The following PCNT variants were observed in gnomAD, a reference collection of about 807,000 sequenced individuals.
The protein encoded by PCNT is kendrin.
Under a neutral mutation model 380.4 loss-of-function variants are expected in PCNT, and 319 were observed. That is an observed-to-expected ratio of 0.84 (90% CI 0.77 to 0.92). PCNT has a LOEUF of 0.92. PCNT is among the 40% of genes least tolerant of loss of function. The probability of loss-of-function intolerance (pLI) is 0.00; values close to 1 mark genes in which losing one functional copy is unlikely to be tolerated. For synonymous variants in PCNT, 1,845 were observed against 1,735.2 expected (o/e 1.06, Z -1.57); for missense variants, 4,400 against 4,255.3 (o/e 1.03, Z -0.95).
intron 15 of PCNT, among the ~76,000 whole-genome samples, chr21:46,374,812 G>A (rs957889728): frequency 2.9e-5 from 4 of 136,972 alleles, no homozygotes; most frequent in African/African-American, 1.1e-4. Flanking sequence ...TCGTGCCGTT[G>A]CACTCCAGCC....
At chr21:46,386,091 T>C (rs1180840611) in intron 17 of PCNT, 108 bp downstream of exon 17, 1 of 1,313,742 alleles carries the variant, frequency 7.6e-7, no homozygotes, top group Non-Finnish European at 1.1e-6. Flanking sequence ...GCTGCCACCA[T>C]GCACGCTGGC....
chr21:46,374,339 C>T (rs186340361), intron 15 of PCNT, among the ~76,000 whole-genome samples: 78 of 152,234 alleles, frequency 5.1e-4, no homozygotes, highest in South Asian at 1.5e-3. Context: ...ACATCCACAG[C>T]GATCCCTGCA....
chr21:46,417,222 C>T (rs535210389), intron 30 of PCNT, among the ~76,000 whole-genome samples: 5 of 110,776 alleles, frequency 4.5e-5, no homozygotes, highest in South Asian at 6.4e-4. Flanking sequence ...GAGATGGAGT[C>T]TCGCTCTGTC....
intron 7 of PCNT, 65 bp downstream of exon 7, chr21:46,349,251 T>A (rs1569181075): frequency 7.9e-7 from 1 of 1,264,274 alleles, no homozygotes; most frequent in Non-Finnish European, 1.2e-6. Flanking sequence ...CTGGAAGGAA[T>A]GTCGTTCATG....
At chr21:46,433,211 A>C (rs946949426) in intron 38 of PCNT, among the ~76,000 whole-genome samples, 8 of 152,114 alleles carry the variant, frequency 5.3e-5, no homozygotes, top group Non-Finnish European at 8.8e-5. Flanking sequence ...GCGAAAGCCC[A>C]TTTCTACTAA....
intron 38 of PCNT, 35 bp downstream of exon 38, chr21:46,432,250 A>G: frequency 6.4e-7 from 1 of 1,567,878 alleles, no homozygotes; most frequent in Non-Finnish European, 8.7e-7. Context: ...GTCCACACCT[A>G]AAAACGATAA....
Position 46,416,818 on chromosome 21 carries a change from C to G in PCNT, c.6900C>G (p.His2300Gln). The G allele has an allele frequency of 6.3e-7, 1 of 1,598,448 alleles. No individual in the cohort carries two copies. Among genetic ancestry groups the G allele is most frequent in the Non-Finnish European group, 8.5e-7 (1 of 1,179,652 alleles). ...QWAESPPADD[H>Q]HVQRTAVEKD... Reference sequence around the variant, plus strand: ...CCGAGTCTCCGCCGGCTGACGACCACCATGTGCAGAGGACGGCTGTGGTAG... The same window carrying G: ...CCGAGTCTCCGCCGGCTGACGACCAGCATGTGCAGAGGACGGCTGTGGTAG... Residue 2300 changes from histidine (H) to glutamine (Q), a missense_variant, in exon 30 of 47, where the codon CAC becomes CAG. His to Gln is a conservative substitution (Grantham distance 24, BLOSUM62 0). Transcript: ENST00000359568.
chr21:46,346,213 C>T lies in PCNT; in HGVS notation c.720+5C>T. 1 of 1,613,168 alleles carries T rather than the reference C, an allele frequency of 6.2e-7. No individual in the cohort carries two copies. Among genetic ancestry groups the T allele is most frequent in the Non-Finnish European group, 8.5e-7 (1 of 1,179,286 alleles). On this transcript the variant is annotated splice_donor_5th_base_variant and intron_variant, in intron 4 of 46. Transcript: ENST00000359568. ...GCTGGCCTGCATCAGAGTCAGGTGA[C>T]CCGGCGGGGCCTGCACAGGCTCACA...
intron 2 of PCNT, among the ~76,000 whole-genome samples, chr21:46,332,791 A>T (rs2083599892): frequency 6.6e-6 from 1 of 152,206 alleles, no homozygotes; most frequent in Admixed American, 6.5e-5. Context: ...AAGAAATTGA[A>T]ATGTTCTTAG....
intron 39 of PCNT, among the ~76,000 whole-genome samples, chr21:46,436,584 T>C (rs920118304): frequency 6.6e-6 from 1 of 151,600 alleles, no homozygotes; most frequent in African/African-American, 2.4e-5. Flanking sequence ...ATGTTTGTCT[T>C]TTTCCCTATA....
chr21:46,431,949 C>G lies in PCNT; in HGVS notation c.8485C>G (p.His2829Asp). Residue 2829 changes from histidine to aspartate, a missense_variant, in exon 38 of 47, where the codon CAC becomes GAC. His to Asp is a moderately conservative substitution (Grantham distance 81). Transcript: ENST00000359568. ...QQQLEAEAQK[H>D]CEALRREKEV... ...GCAGCTTGAGGCTGAGGCTCAGAAGCACTGTGAGGCGCTCAGGAGAGAGAA... is the reference window on the plus strand; with the variant it reads ...GCAGCTTGAGGCTGAGGCTCAGAAGGACTGTGAGGCGCTCAGGAGAGAGAA... 1 of 1,614,042 alleles carries G rather than the reference C, an allele frequency of 6.2e-7. No individual in the cohort carries two copies. Among genetic ancestry groups the G allele is most frequent in the Non-Finnish European group, 8.5e-7 (1 of 1,180,038 alleles).
chr21:46,425,360 G>A lies in PCNT; in HGVS notation c.7180-471G>A, dbSNP rs1437558920. ...GCAGCTTCACCCCACGCTGGTGGTCGGCACTGGCCTCAGCCGGACCACGCA... is the reference window on the plus strand; with the variant it reads ...GCAGCTTCACCCCACGCTGGTGGTCAGCACTGGCCTCAGCCGGACCACGCA... On this transcript the variant is annotated intron_variant, in intron 32 of 46. Coordinates refer to ENST00000359568, the MANE Select transcript of PCNT (RefSeq NM_006031.6). This position sits in a 1 kb window ranked among gnomAD's most constrained non-coding sequence, Gnocchi z 4.2. Among the ~76,000 whole-genome samples, 1 of 152,228 alleles carries A rather than the reference G, an allele frequency of 6.6e-6. No individual in the cohort carries two copies. The highest frequency in any genetic ancestry group is 1.5e-5 in the Non-Finnish European group (1 of 68,042).
At position 46,334,656 on chromosome 21, in the gene PCNT, A is replaced by G; in HGVS notation, c.527A>G (p.Asp176Gly). ...PEQRGMFTIS[D>G]HQPEQRGMFT... ...CAGCGTGGGATGTTCACAATCAGTG[A>G]CCACCAACCGGAACAGCGTGGGATG... Residue 176 changes from aspartate to glycine, a missense_variant, in exon 3 of 47, where the codon GAC (aspartate) becomes GGC (glycine). Transcript: ENST00000359568. The G allele has an allele frequency of 1.2e-6, 2 of 1,605,128 alleles. No individual in the cohort carries two copies. Among genetic ancestry groups the G allele is most frequent in the South Asian group, 2.2e-5 (2 of 90,156 alleles).
In PCNT at chr21:46,359,836, G is replaced by T. The variant is rs567456605; in HGVS notation, c.2154+2645G>T. On this transcript the variant is annotated intron_variant, in intron 13 of 46. Coordinates refer to ENST00000359568, the MANE Select transcript of PCNT (RefSeq NM_006031.6). The stretch of plus-strand genomic sequence containing the variant: ...CCAACCTTCGTGTGCATTTTGTCTG[G>T]TGTATCTTTTTTTATTCGTTTTACC... 8.6e-5 allele frequency among the ~76,000 whole-genome samples: 13 copies of T among 151,234 alleles called. No homozygotes were observed. The South Asian group carries it at 1.7e-3, about 20-fold the overall frequency.
At chr21:46,327,145 C>T (rs1211357800) in intron 2 of PCNT, among the ~76,000 whole-genome samples, 1 of 151,814 alleles carries the variant, frequency 6.6e-6, no homozygotes, top group African/African-American at 2.4e-5. Flanking sequence ...ACTGCAAGCT[C>T]CGCCTCCCGG....
rs781317079 is a variant in PCNT, at chr21:46,346,884, C to T, written c.862C>T (p.Arg288Cys). 8.7e-6 allele frequency: 14 copies of T among 1,607,006 alleles called. No homozygotes were observed. In the East Asian group the frequency reaches 9.0e-5, roughly 10 times the overall value. The change falls in exon 5 of 47, where the codon CGT (arginine) becomes TGT (cysteine). Residue 288 changes from arginine (R) to cysteine (C), a missense_variant. Coordinates refer to ENST00000359568, the MANE Select transcript of PCNT (RefSeq NM_006031.6). ...GCTGCGGGAGATGCTCAACAGCCGG[C>T]GTGCCCAGGAGCTGGCCCTGCTACA... is the stretch of plus-strand genomic sequence containing the variant. ...TELREMLNSR[R>C]AQELALLQSR...
Position 46,401,535 on chromosome 21 carries a change from CTT to C in PCNT, c.4792-7_4792-6del. 1.4e-6 allele frequency: 2 copies of C among 1,447,844 alleles called. No individual in the cohort carries two copies. The highest frequency in any genetic ancestry group is 1.9e-6 in the Non-Finnish European group (2 of 1,047,730). 89.7% of individuals were successfully genotyped at this position (1,447,844 alleles called of 1,614,324 possible). On this transcript the variant is annotated splice_polypyrimidine_tract_variant and intron_variant, in intron 25 of 46. Coordinates refer to ENST00000359568, the MANE Select transcript of PCNT (RefSeq NM_006031.6). Reference sequence around the variant, plus strand: ...CCAAATATTTGCCTAAAATAGAGTTCTTTTTTTTTTAATAGGATAAAGAGGTG... The same window carrying C: ...CCAAATATTTGCCTAAAATAGAGTTCTTTTTTTTAATAGGATAAAGAGGTG...
chr21:46,397,514 C>A lies in PCNT; in HGVS notation c.4446+20C>A. The stretch of plus-strand genomic sequence containing the variant: ...ATGGATGTAAGAATTCTGAATAATA[C>A]ATTTTTTTGCATCACTAAAAGTTGC... On this transcript the variant is annotated intron_variant, in intron 22 of 46. Coordinates refer to ENST00000359568, the MANE Select transcript of PCNT (RefSeq NM_006031.6). The A allele has an allele frequency of 6.3e-7, 1 of 1,586,658 alleles. No homozygotes were observed. Among genetic ancestry groups the A allele is most frequent in the Non-Finnish European group, 8.6e-7 (1 of 1,156,146 alleles).
intron 27 of PCNT, among the ~76,000 whole-genome samples, chr21:46,403,573 A>G (rs1274472941): frequency 1.3e-4 from 15 of 119,116 alleles, no homozygotes; most frequent in African/African-American, 4.4e-4. Context: ...TGTGGTGCCC[A>G]CGTGGCACAT....
Sources: allele counts gnomAD v4.1 joint callset (sites outside exome capture counted in the v4.1 genomes callset), GRCh38; gene constraint gnomAD v4.1.1; non-coding constraint Gnocchi (gnomAD v3.1); transcripts MANE v1.5; gene names NCBI Gene and HGNC (gene_info 2026-07-23, HGNC 2026-07-21).